The following LEPR variants were observed in gnomAD, a reference collection of about 807,000 sequenced individuals.
The protein encoded by LEPR is leptin receptor.
Under a neutral mutation model 114.7 loss-of-function variants are expected in LEPR, and 56 were observed. The observed-to-expected ratio is 0.49, with a 90% CI of 0.39 to 0.61. The LOEUF is 0.61. Among genes scored for constraint, LEPR ranks in the 20% least tolerant of loss-of-function variants. The pLI is 0.00. For synonymous variants in LEPR, 443 were observed against 461.4 expected (o/e 0.96, Z 0.51); for missense variants, 1,202 against 1,352.9 (o/e 0.89, Z 1.75).
intron 6 of LEPR, among the ~76,000 whole-genome samples, chr1:65,595,143 CAA>C (rs760031837): frequency 7.5e-5 from 11 of 147,174 alleles, no homozygotes; most frequent in Non-Finnish European, 7.5e-5. Context: ...CTGTTTTGAA[CAA>C]AGATTATTGG....
chr1:65,582,536 G>A (rs1039872643), intron 5 of LEPR, among the ~76,000 whole-genome samples: 1 of 152,166 alleles, frequency 6.6e-6, no homozygotes, highest in African/African-American at 2.4e-5. Flanking sequence ...GAGCCAGAGA[G>A]ACTCACTGAT....
intron 2 of LEPR, among the ~76,000 whole-genome samples, chr1:65,557,530 T>C (rs1489289149): frequency 1.3e-5 from 2 of 152,058 alleles, no homozygotes; most frequent in African/African-American, 4.8e-5. Flanking sequence ...AGTGATTCTC[T>C]TGCTTCAGCC....
chr1:65,435,299 G>A (rs1322677485), intron 2 of LEPR: 2 of 983,822 alleles, frequency 2.0e-6, no homozygotes, highest in African/African-American at 1.8e-5. Context: ...AGTTCATTAT[G>A]TTAATAACCT....
At chr1:65,540,353 G>C (rs1233650462) in intron 2 of LEPR, among the ~76,000 whole-genome samples, 3 of 152,132 alleles carry the variant, frequency 2.0e-5, no homozygotes, top group Non-Finnish European at 4.4e-5. Context: ...GTTGGTGGTG[G>C]GGCCTGGTGG....
At chr1:65,615,814 G>T (rs1473455800) in intron 14 of LEPR, among the ~76,000 whole-genome samples, 194 bp from the exon 15 acceptor site, 1 of 152,154 alleles carries the variant, frequency 6.6e-6, no homozygotes, top group African/African-American at 2.4e-5. Context: ...TAACGATCCA[G>T]ACACCTTCAT....
At position 65,432,931 on chromosome 1, in the gene LEPR, AAT is replaced by A. The variant is rs565057773; in HGVS notation, c.-21+7559_-21+7560del. On this transcript the variant is annotated intron_variant, in intron 2 of 19. Coordinates refer to ENST00000349533, the MANE Select transcript of LEPR (RefSeq NM_002303.6). Reference sequence around the variant, plus strand: ...CTATAAAAATATACAATAATTTGTCAATATATAATCAAAATAAAAAACAAAAC... The same window carrying A: ...CTATAAAAATATACAATAATTTGTCAATATAATCAAAATAAAAAACAAAAC... The A allele has an allele frequency of 8.3e-6, 8 of 969,272 alleles. No homozygotes were observed. The African/African-American group carries it at 1.4e-4, about 17-fold the overall frequency. 60.0% of individuals were successfully genotyped at this position (969,272 alleles called of 1,614,324 possible). A position where few individuals can be genotyped will look rare whatever the true frequency, so the allele number is the denominator to read the frequency against.
chr1:65,553,103 T>A (rs956904162), intron 2 of LEPR, among the ~76,000 whole-genome samples: 4 of 152,244 alleles, frequency 2.6e-5, no homozygotes, highest in African/African-American at 4.8e-5. Context: ...TCTGATGGGC[T>A]TCCCTTTGTG....
intron 14 of LEPR, among the ~76,000 whole-genome samples, chr1:65,610,700 ATG>A (rs1657112115): frequency 6.6e-6 from 1 of 152,220 alleles, no homozygotes; most frequent in African/African-American, 2.4e-5. Context: ...CATCTAACAC[ATG>A]ACAGAGTATT....
intron 2 of LEPR, among the ~76,000 whole-genome samples, chr1:65,516,859 A>G (rs1160508899): frequency 1.3e-5 from 2 of 152,080 alleles, no homozygotes; most frequent in Non-Finnish European, 2.9e-5. Context: ...TTTCATAAAG[A>G]CTCATCACCT....
chr1:65,425,771 G>A (rs1366608220), intron 2 of LEPR, among the ~76,000 whole-genome samples: 2 of 152,206 alleles, frequency 1.3e-5, no homozygotes, highest in Non-Finnish European at 2.9e-5. Context: ...GAGTTTCAGT[G>A]GGACAGTCAG....
intron 14 of LEPR, among the ~76,000 whole-genome samples, chr1:65,615,068 C>G (rs1460202539): frequency 1.3e-5 from 2 of 151,920 alleles, no homozygotes; most frequent in African/African-American, 4.8e-5. Flanking sequence ...GACTTTGAAA[C>G]ATTTCTTTCT....
chr1:65,498,594 C>T (rs1480698388), intron 2 of LEPR, among the ~76,000 whole-genome samples: 1 of 151,982 alleles, frequency 6.6e-6, no homozygotes, highest in Non-Finnish European at 1.5e-5. Context: ...AGCTCTTTTG[C>T]CATGGCAACA....
intron 2 of LEPR, among the ~76,000 whole-genome samples, chr1:65,441,161 A>G (rs1468491542): frequency 6.6e-6 from 1 of 152,242 alleles, no homozygotes; most frequent in African/African-American, 2.4e-5. Flanking sequence ...GTTGGCAAAG[A>G]ATGCTGTGTA....
intron 2 of LEPR, among the ~76,000 whole-genome samples, chr1:65,553,436 C>T (rs1208255506): frequency 6.6e-6 from 1 of 151,782 alleles, no homozygotes; most frequent in African/African-American, 2.4e-5. Flanking sequence ...TTTTTTTAAT[C>T]TTGTCTTCAT....
rs572583451 is a variant in LEPR at position 65,631,673 on chromosome 1, A to G, written c.2674-4518A>G. Reference sequence around the variant, plus strand: ...GAATACCATTTCTGTTTATACCTTAAAAATCAGAATCTTAAACATATATTG... The same window carrying G: ...GAATACCATTTCTGTTTATACCTTAGAAATCAGAATCTTAAACATATATTG... On this transcript the variant is annotated intron_variant, in intron 19 of 19. Transcript: ENST00000349533. Among the ~76,000 whole-genome samples the G allele has an allele frequency of 1.2e-4, 18 of 152,308 alleles. No individual in the cohort carries two copies. The South Asian group carries it at 3.7e-3, about 32-fold the overall frequency.
At chr1:65,499,141 C>T (rs1289818527) in intron 2 of LEPR, among the ~76,000 whole-genome samples, 1 of 152,010 alleles carries the variant, frequency 6.6e-6, no homozygotes, top group Non-Finnish European at 1.5e-5. Flanking sequence ...TGTCTAAATG[C>T]CCTTTATGTT....
intron 19 of LEPR, among the ~76,000 whole-genome samples, chr1:65,627,988 T>G (rs1293145638): frequency 6.6e-6 from 1 of 152,130 alleles, no homozygotes; most frequent in African/African-American, 2.4e-5. Flanking sequence ...TTTGAAGCTG[T>G]CATTTTCCTT....
chr1:65,598,999 A>AT (rs1171062584), intron 8 of LEPR, among the ~76,000 whole-genome samples, 195 bp downstream of exon 8: 1 of 152,148 alleles, frequency 6.6e-6, no homozygotes, highest in Non-Finnish European at 1.5e-5. Context: ...GTGTGTTTCT[A>AT]TTGCAGTATA....
At chr1:65,612,911 T>C (rs1283719409) in intron 14 of LEPR, among the ~76,000 whole-genome samples, 1 of 151,150 alleles carries the variant, frequency 6.6e-6, no homozygotes, top group Non-Finnish European at 1.5e-5. Flanking sequence ...GCTGAGGTAG[T>C]GTTGTCTGGC....
Sources: gnomAD v4.1 joint callset for allele counts (sites outside exome capture counted in the v4.1 genomes callset) on GRCh38, gnomAD v4.1.1 for gene constraint, MANE v1.5 for transcripts, NCBI Gene and HGNC (gene_info 2026-07-23, HGNC 2026-07-21) for gene names.